PABIR2: variants seen among roughly 807,000 people sequenced by gnomAD.
PABIR2 encodes the protein PABIR family member 2.
A neutral mutation model predicts 22.8 loss-of-function variants in PABIR2; 7 were observed. That is an observed-to-expected ratio of 0.31 (90% CI 0.17 to 0.58). The LOEUF (loss-of-function observed/expected upper bound fraction) is 0.58. Among genes scored for constraint, PABIR2 ranks in the 20% least tolerant of loss-of-function variants. The pLI, the probability that PABIR2 is intolerant of heterozygous loss-of-function variation, is 0.89. For missense variants in PABIR2, 155 were observed against 205.1 expected (o/e 0.76, Z 1.49); for synonymous variants, 67 against 73.8 (o/e 0.91, Z 0.47).
At chrX:134,774,656 T>C (rs1366011805) in intron 9 of PABIR2, among the ~76,000 whole-genome samples, 1 of 111,465 alleles carries the variant, frequency 9.0e-6, no homozygotes, top group Non-Finnish European at 1.9e-5. Context: ...AAAAAAGCCC[T>C]GAACATTTTA....
chrX:134,777,419 G>C (rs1031893135), intron 9 of PABIR2, among the ~76,000 whole-genome samples: 5 of 109,670 alleles, frequency 4.6e-5, no homozygotes, highest in Non-Finnish European at 9.5e-5. Flanking sequence ...CCAGCTATTC[G>C]GGAGGCCGAG....
intron 2 of PABIR2, chrX:134,791,795 T>G (rs2079555722): frequency 3.8e-6 from 1 of 265,355 alleles, no homozygotes; most frequent in Non-Finnish European, 7.1e-6. Context: ...TTTAAAAAAG[T>G]GAGAATACTG....
chrX:134,787,543 G>A lies in PABIR2; in HGVS notation c.436-10C>T. The stretch of plus-strand genomic sequence containing the variant: ...TGCTGCTCACGAACATCTGTAAGAA[G>A]GGTGAAAAACATTACTAGAAAAAAC... On this transcript the variant is annotated splice_polypyrimidine_tract_variant and intron_variant, in intron 6 of 9. Coordinates refer to ENST00000343004, the MANE Select transcript of PABIR2 (RefSeq NM_001387468.1). 4.2e-6 allele frequency: 5 copies of A among 1,196,830 alleles called. No homozygotes were observed. Among genetic ancestry groups the A allele is most frequent in the South Asian group, 1.8e-5 (1 of 56,203 alleles).
intron 1 of PABIR2, 184 bp from the exon 2 acceptor site, chrX:134,794,077 T>C (rs1305667465): frequency 2.6e-5 from 19 of 727,147 alleles, no homozygotes; most frequent in Non-Finnish European, 3.1e-5. Context: ...AGTGGTATGC[T>C]GTGGATTATG....
chrX:134,774,872 C>T (rs184874447), intron 9 of PABIR2, among the ~76,000 whole-genome samples: 6 of 112,065 alleles, frequency 5.4e-5, no homozygotes, highest in African/African-American at 1.9e-4. Context: ...GCAGAGACTT[C>T]ACGTCACAAA....
chrX:134,775,316 G>C (rs961130412), intron 9 of PABIR2, among the ~76,000 whole-genome samples: 3 of 110,261 alleles, frequency 2.7e-5, no homozygotes, highest in Non-Finnish European at 5.7e-5. Context: ...GGATCACGAA[G>C]TCAGGAGATC....
At chrX:134,780,615 C>T (rs2079131926) in intron 9 of PABIR2, among the ~76,000 whole-genome samples, 1 of 111,770 alleles carries the variant, frequency 8.9e-6, no homozygotes, top group South Asian at 3.7e-4. Context: ...CTGTAAAACT[C>T]AGGGAACAAA....
chrX:134,777,315 G>A (rs894863794), intron 9 of PABIR2, among the ~76,000 whole-genome samples: 3 of 111,247 alleles, frequency 2.7e-5, no homozygotes, highest in African/African-American at 6.5e-5. Context: ...TCACTTGAGC[G>A]CAGGAGTTCA....
rs1055790593 is a variant in PABIR2 at position 134,787,029 on chromosome X, A to G, written c.497+443T>C. On this transcript the variant is annotated intron_variant, in intron 7 of 9. Transcript: ENST00000343004. ...ATAGGCAGTGGGTATATGGTTGTTC[A>G]CTGTGAAATTCTTTCACTTTTGATG... Among the ~76,000 whole-genome samples, 3 of 111,167 alleles carry G rather than the reference A, an allele frequency of 2.7e-5. No homozygotes were observed. In the Admixed American group the frequency reaches 2.9e-4, roughly 11 times the overall value.
intron 8 of PABIR2, among the ~76,000 whole-genome samples, chrX:134,784,566 T>C (rs994321055): frequency 8.2e-5 from 9 of 109,111 alleles, no homozygotes; most frequent in Non-Finnish European, 1.5e-4. Context: ...CAACCTCTGC[T>C]TCCTGGGCTC....
rs1299964264 is a variant in PABIR2 at position 134,770,404 on chromosome X, T to G, written c.*1735A>C. 2 of 112,555 alleles carry G rather than the reference T, an allele frequency of 1.8e-5. No individual in the cohort carries two copies. Among genetic ancestry groups the G allele is most frequent in the Non-Finnish European group, 3.8e-5 (2 of 53,206 alleles). The allele number at this position is 112,555 out of a possible 1,213,427, so 9.3% of individuals were successfully genotyped here. On this transcript the variant is annotated 3_prime_UTR_variant, in exon 10 of 10. Coordinates refer to ENST00000343004, the MANE Select transcript of PABIR2 (RefSeq NM_001387468.1). ...CATTAATGGCTGTTATGGTTACAAT[T>G]TAAAATAAAGGACACATCGGATGCT...
At chrX:134,788,635 G>T in intron 6 of PABIR2, 95 bp downstream of exon 6, 1 of 647,954 alleles carries the variant, frequency 1.5e-6, no homozygotes, top group Non-Finnish European at 2.3e-6. Flanking sequence ...TTCCTTCAAG[G>T]CATTGGATAC....
chrX:134,793,866 G>A lies in PABIR2; in HGVS notation c.126C>T (p.Tyr42=), dbSNP rs1219460684. The A allele has an allele frequency of 8.3e-7, 1 of 1,208,517 alleles. No homozygotes were observed. The highest frequency in any genetic ancestry group is 1.1e-6 in the Non-Finnish European group (1 of 894,838). The change falls in exon 2 of 10, where the codon TAC becomes TAT. Residue 42 remains tyrosine (Y), a synonymous_variant. Transcript: ENST00000343004. ...LSDLSQVFQP[Y]TLRTRRNSTT... ...TACTATTCCTCCGAGTTCTAAGTGT[G>A]TAAGGTTGGAAAACCTGTGAAAGGT... is the stretch of plus-strand genomic sequence containing the variant.
At position 134,771,203 on chromosome X, in the gene PABIR2, G is replaced by A; in HGVS notation, c.*936C>T. On this transcript the variant is annotated 3_prime_UTR_variant, in exon 10 of 10. Transcript: ENST00000343004. ...CTTATAGCATGACAATGTACCCCAA[G>A]GCACCTGAGGCCTCATAATACCACT... is the stretch of plus-strand genomic sequence containing the variant. 1 of 889,979 alleles carries A rather than the reference G, an allele frequency of 1.1e-6. No homozygotes were observed. The highest frequency in any genetic ancestry group is 1.5e-6 in the Non-Finnish European group (1 of 668,076). The allele number at this position is 889,979 out of a possible 1,213,427, so 73.3% of individuals were successfully genotyped here. A position where few individuals can be genotyped will look rare whatever the true frequency, so the allele number is the denominator to read the frequency against.
At chrX:134,789,513 C>G (rs2079484820) in intron 3 of PABIR2, 67 bp downstream of exon 3, 2 of 993,532 alleles carry the variant, frequency 2.0e-6, no homozygotes, top group South Asian at 2.1e-5. Flanking sequence ...ATTTTAATAT[C>G]TACGTCTTTA....
intron 9 of PABIR2, among the ~76,000 whole-genome samples, chrX:134,777,608 G>A (rs914626322): frequency 6.4e-5 from 7 of 109,499 alleles, no homozygotes; most frequent in Admixed American, 1.9e-4. Context: ...AGGCCGAGGC[G>A]GGTGGATCAC....
At chrX:134,784,236 G>A (rs1454784394) in intron 8 of PABIR2, among the ~76,000 whole-genome samples, 2 of 110,391 alleles carry the variant, frequency 1.8e-5, no homozygotes, top group Admixed American at 9.7e-5. Context: ...TTGGGAGGCC[G>A]AGGCAGGTGG....
intron 6 of PABIR2, among the ~76,000 whole-genome samples, 169 bp downstream of exon 6, chrX:134,788,561 A>G (rs111851274): frequency 0.09 from 9,538 of 106,260 alleles, 1,111 homozygotes; most frequent in African/African-American, 0.31. Context: ...TATTTTAAGA[A>G]GACCAAGAAT....
intron 7 of PABIR2, among the ~76,000 whole-genome samples, chrX:134,786,346 A>C (rs1024937950): frequency 9.1e-6 from 1 of 110,336 alleles, no homozygotes; most frequent in Non-Finnish European, 1.9e-5. Flanking sequence ...GTGAAACTCT[A>C]TCTCTACTAA....
Sources: gnomAD v4.1 joint callset for allele counts (sites outside exome capture counted in the v4.1 genomes callset) on GRCh38, gnomAD v4.1.1 for gene constraint, MANE v1.5 for transcripts, NCBI Gene and HGNC (gene_info 2026-07-23, HGNC 2026-07-21) for gene names.